Variants in BIRC6 observed in about 807,000 individuals in gnomAD.
BIRC6 encodes the protein dual E2 ubiquitin-conjugating enzyme/E3 ubiquitin-protein ligase BIRC6.
A neutral mutation model predicts 503.3 loss-of-function variants in BIRC6; 98 were observed. That is an observed-to-expected ratio of 0.19 (90% confidence interval 0.17 to 0.23). BIRC6 has a LOEUF of 0.23. BIRC6 is among the 10% of genes least tolerant of loss of function. The pLI, the probability that BIRC6 is intolerant of heterozygous loss-of-function variation, is 1.00. For synonymous variants in BIRC6, 2,240 were observed against 2,078.7 expected (o/e 1.08, Z -2.11); for missense variants, 5,360 against 5,806.0 (o/e 0.92, Z 2.50).
chr2:32,580,224 G>A (rs1559097124), intron 66 of BIRC6, among the ~76,000 whole-genome samples: 1 of 152,132 alleles, frequency 6.6e-6, no homozygotes, highest in Admixed American at 6.5e-5. Context: ...AAAGTTCTGG[G>A]AGTACATACA....
chr2:32,403,089 A>T (rs978866392), intron 8 of BIRC6, among the ~76,000 whole-genome samples: 1 of 152,182 alleles, frequency 6.6e-6, no homozygotes, highest in African/African-American at 2.4e-5. Flanking sequence ...AGTCTCAAAC[A>T]AATCATACAA....
intron 1 of BIRC6, among the ~76,000 whole-genome samples, chr2:32,369,582 C>A (rs1266357231): frequency 6.6e-6 from 1 of 151,738 alleles, no homozygotes; most frequent in Non-Finnish European, 1.5e-5. Context: ...CACACACCAC[C>A]ACGCCCGGCT....
chr2:32,383,283 T>C (rs2037957003), intron 3 of BIRC6, among the ~76,000 whole-genome samples: 2 of 152,106 alleles, frequency 1.3e-5, no homozygotes, highest in Non-Finnish European at 2.9e-5. Context: ...GACCGTGTGA[T>C]CTGCCCACCT....
intron 70 of BIRC6, among the ~76,000 whole-genome samples, chr2:32,601,231 TC>T (rs759658637): frequency 2.1e-3 from 317 of 152,374 alleles, no homozygotes; most frequent in Admixed American, 3.7e-3. Flanking sequence ...TATTTTGCGT[TC>T]TTGCTTTCAC....
chr2:32,387,060 G>C (rs1448807582), intron 3 of BIRC6, among the ~76,000 whole-genome samples: 1 of 152,154 alleles, frequency 6.6e-6, no homozygotes, highest in African/African-American at 2.4e-5. Flanking sequence ...GGACCACAGT[G>C]ATGTTTTAGG....
chr2:32,434,116 A>G (rs80165602), intron 13 of BIRC6, among the ~76,000 whole-genome samples: 2,489 of 152,216 alleles, frequency 0.016, 81 homozygotes, highest in African/African-American at 0.056. Flanking sequence ...CTAGGAGAAG[A>G]CTTAATTGTG....
chr2:32,366,151 A>G (rs1487154968), intron 1 of BIRC6, among the ~76,000 whole-genome samples: 1 of 152,188 alleles, frequency 6.6e-6, no homozygotes, highest in Non-Finnish European at 1.5e-5. Context: ...GATTACAGGC[A>G]TGAGCCACCA....
At chr2:32,590,831 G>A (rs2061345530) in intron 66 of BIRC6, 7 of 985,732 alleles carry the variant, frequency 7.1e-6, no homozygotes, top group African/African-American at 3.5e-5. Context: ...CAGATTCAAC[G>A]TATGCACAAA....
At chr2:32,520,232 A>G (rs952182349) in intron 57 of BIRC6, among the ~76,000 whole-genome samples, 2 of 152,242 alleles carry the variant, frequency 1.3e-5, no homozygotes, top group African/African-American at 4.8e-5. Context: ...ATAGATGGTA[A>G]GTGAAACCAT....
intron 61 of BIRC6, among the ~76,000 whole-genome samples, chr2:32,533,255 T>C (rs911735086): frequency 2.0e-5 from 3 of 152,212 alleles, no homozygotes; most frequent in African/African-American, 7.2e-5. Flanking sequence ...CTCATTTGTG[T>C]CCTAAATATA....
intron 23 of BIRC6, 29 bp downstream of exon 23, chr2:32,453,971 A>G (rs200498391): frequency 3.9e-5 from 60 of 1,557,360 alleles, no homozygotes; most frequent in African/African-American, 8.2e-5. Context: ...ACCTTCTTTT[A>G]TTATATACTT....
intron 21 of BIRC6, among the ~76,000 whole-genome samples, chr2:32,446,749 T>TG (rs2045996422): frequency 7.6e-6 from 1 of 131,716 alleles, no homozygotes; most frequent in South Asian, 2.7e-4. Context: ...TTTTTTTTTT[T>TG]TTTTTTTTTT....
intron 5 of BIRC6, among the ~76,000 whole-genome samples, chr2:32,393,377 T>TA (rs1374304547): frequency 6.6e-6 from 1 of 152,164 alleles, no homozygotes; most frequent in Non-Finnish European, 1.5e-5. Context: ...TGATTTTAGC[T>TA]AGATGTAATA....
At chr2:32,439,137 C>T (rs1040555848) in intron 15 of BIRC6, among the ~76,000 whole-genome samples, 3 of 151,826 alleles carry the variant, frequency 2.0e-5, no homozygotes, top group Non-Finnish European at 4.4e-5. Flanking sequence ...GATGGATATA[C>T]GTTCTGTTAT....
rs940864189 is a variant in BIRC6, at chr2:32,357,301, C to T, written c.140C>T (p.Ala47Val). ...SGPGCSSAAGAGAAGVSEWLV... is the reference protein window; with the variant it reads ...SGPGCSSAAGVGAAGVSEWLV... ...CCCGGCTGCTCCTCGGCGGCGGGGG[C>T]GGGGGCGGCCGGGGTCTCAGAGTGG... Residue 47 changes from alanine to valine, a missense_variant, in exon 1 of 74, where the codon GCG (alanine) becomes GTG (valine). Transcript: ENST00000421745. The surrounding 1 kb of genome is among the most constrained non-coding windows in gnomAD (Gnocchi z 4.9). 2.0e-6 allele frequency: 3 copies of T among 1,525,578 alleles called. No individual in the cohort carries two copies. Among genetic ancestry groups the T allele is most frequent in the African/African-American group, 2.9e-5 (2 of 69,710 alleles). The allele number at this position is 1,525,578 out of a possible 1,614,324, so 94.5% of individuals were successfully genotyped here. A position where few individuals can be genotyped will look rare whatever the true frequency, so the allele number is the denominator to read the frequency against.
rs749691533 is a variant in BIRC6 at position 32,499,961 on chromosome 2, A to G, written c.8883A>G (p.Ser2961=). 2 of 1,614,036 alleles carry G rather than the reference A, an allele frequency of 1.2e-6. No individual in the cohort carries two copies. Among genetic ancestry groups the G allele is most frequent in the South Asian group, 2.2e-5 (2 of 91,082 alleles). The change falls in exon 46 of 74, where the codon TCA becomes TCG. Residue 2961 remains serine, a synonymous_variant. Transcript: ENST00000421745. The part of the protein sequence containing the change: ...TDSVSDEEKV[S]GGKDGNGSST... ...GTGTTTCAGATGAAGAAAAAGTCTC[A>G]GGAGGCAAAGATGGCAATGGAAGCA... is the stretch of plus-strand genomic sequence containing the variant.
At chr2:32,487,842 G>A (rs771312008) in intron 41 of BIRC6, 41 bp downstream of exon 41, 8 of 1,516,798 alleles carry the variant, frequency 5.3e-6, no homozygotes, top group South Asian at 3.6e-5. Flanking sequence ...ACATATTATT[G>A]TTAGCCTGGT....
intron 23 of BIRC6, among the ~76,000 whole-genome samples, chr2:32,456,622 A>G (rs562148241): frequency 6.6e-6 from 1 of 152,280 alleles, no homozygotes; most frequent in East Asian, 1.9e-4. Context: ...TTGATCTTGC[A>G]AATTTGTTGA....
At chr2:32,448,706 T>C in intron 21 of BIRC6, 89 bp from the exon 22 acceptor site, 1 of 1,216,510 alleles carries the variant, frequency 8.2e-7, no homozygotes. Context: ...TCTGCGCTGT[T>C]AGTCAGACTG....
Sources: allele counts gnomAD v4.1 joint callset (sites outside exome capture counted in the v4.1 genomes callset), GRCh38; gene constraint gnomAD v4.1.1; non-coding constraint Gnocchi (gnomAD v3.1); transcripts MANE v1.5; gene names NCBI Gene and HGNC (gene_info 2026-07-23, HGNC 2026-07-21).